The following RAP1GAP2 variants were observed in gnomAD, a reference collection of about 807,000 sequenced individuals.
The protein encoded by RAP1GAP2 is RAP1 GTPase activating protein 2, also known as rap1 GTPase-activating protein 2.
In RAP1GAP2, 27 loss-of-function variants were observed where a neutral mutation model predicts 95.0. That is an observed-to-expected ratio of 0.28 (90% confidence interval 0.21 to 0.39). The LOEUF is 0.39. Among genes scored for constraint, RAP1GAP2 ranks in the 10% least tolerant of loss-of-function variants. The pLI, the probability that RAP1GAP2 is intolerant of heterozygous loss-of-function variation, is 1.00. For synonymous variants in RAP1GAP2, 373 were observed against 380.9 expected (o/e 0.98, Z 0.24); for missense variants, 771 against 970.0 (o/e 0.79, Z 2.72).
At chr17:2,779,845 A>C (rs908656103) in intron 1 of RAP1GAP2, among the ~76,000 whole-genome samples, 1 of 151,980 alleles carries the variant, frequency 6.6e-6, no homozygotes, top group African/African-American at 2.4e-5. Context: ...GAAGGTGGCC[A>C]AGAAGCATGG....
At chr17:2,877,136 G>A (rs191167960) in intron 2 of RAP1GAP2, among the ~76,000 whole-genome samples, 36 of 152,092 alleles carry the variant, frequency 2.4e-4, no homozygotes, top group Admixed American at 1.2e-3. Flanking sequence ...TGATGCACCC[G>A]CCTCAGCCTC....
At chr17:2,912,508 G>A (rs1218358719) in intron 3 of RAP1GAP2, among the ~76,000 whole-genome samples, 1 of 152,098 alleles carries the variant, frequency 6.6e-6, no homozygotes, top group Admixed American at 6.6e-5. Context: ...GAGGGTTGAC[G>A]GGAGCCTTTC....
chr17:2,780,922 G>A (rs2068631007), intron 1 of RAP1GAP2, among the ~76,000 whole-genome samples: 1 of 152,194 alleles, frequency 6.6e-6, no homozygotes, highest in African/African-American at 2.4e-5. Context: ...ATCTCAGCCT[G>A]ACATGCTGTA....
chr17:2,913,242 C>T (rs751688413), intron 3 of RAP1GAP2, among the ~76,000 whole-genome samples: 7 of 151,620 alleles, frequency 4.6e-5, no homozygotes, highest in Non-Finnish European at 8.8e-5. Flanking sequence ...CATGCATTTC[C>T]CTCCTCACCT....
intron 2 of RAP1GAP2, among the ~76,000 whole-genome samples, chr17:2,862,933 G>T (rs541333793): frequency 1.3e-5 from 2 of 148,958 alleles, no homozygotes; most frequent in Admixed American, 1.4e-4. Context: ...GGAGGCAGAG[G>T]TTGCAGTGAG....
intron 8 of RAP1GAP2, among the ~76,000 whole-genome samples, chr17:2,970,379 C>T (rs189524457): frequency 6.6e-6 from 1 of 151,712 alleles, no homozygotes; most frequent in Admixed American, 6.6e-5. Context: ...CTTGTGCAGA[C>T]TCAGTTTTTA....
At chr17:2,769,145 T>C (rs1413828509) in intron 1 of RAP1GAP2, among the ~76,000 whole-genome samples, 1 of 148,726 alleles carries the variant, frequency 6.7e-6, no homozygotes, top group South Asian at 2.1e-4. Flanking sequence ...GGCGAGAGGA[T>C]TGCTTGAGTC....
rs754534598 is a variant in RAP1GAP2, at chr17:2,866,107, G to C, written c.81-39177G>C. ...AAGAAAGGGGGACCGCCCAAGGAAG[G>C]CTGCCTGGAGTTGGTGGCATTTGAA... On this transcript the variant is annotated intron_variant, in intron 2 of 24. Transcript: ENST00000254695. The surrounding 1 kb of genome is among the most constrained non-coding windows in gnomAD (Gnocchi z 4.0). 6.6e-6 allele frequency among the ~76,000 whole-genome samples: 1 copy of C among 152,252 alleles called. No homozygotes were observed. Among genetic ancestry groups the C allele is most frequent in the African/African-American group, 2.4e-5 (1 of 41,466 alleles).
chr17:2,988,709 G>A (rs2045640867), intron 11 of RAP1GAP2, among the ~76,000 whole-genome samples: 1 of 152,090 alleles, frequency 6.6e-6, no homozygotes, highest in Non-Finnish European at 1.5e-5. Context: ...TCATTTCTCT[G>A]GGATACATGC....
At position 3,029,903 on chromosome 17, in the gene RAP1GAP2, C is replaced by A. The variant is rs185452100; in HGVS notation, c.2108-1019C>A. Among the ~76,000 whole-genome samples the A allele has an allele frequency of 1.5e-3, 229 of 152,106 alleles. 2 individuals carry two copies. Among genetic ancestry groups the A allele is most frequent in the Admixed American group, 6.4e-3 (98 of 15,256 alleles). On this transcript the variant is annotated intron_variant, in intron 22 of 24. Coordinates refer to ENST00000254695, the MANE Select transcript of RAP1GAP2 (RefSeq NM_015085.5). The surrounding 1 kb of genome is among the most constrained non-coding windows in gnomAD (Gnocchi z 4.4). ...ATAAGTCCCATATGTCCAACTGATT[C>A]TCACAGAATGCTTTTAGTGGTGTTT...
At chr17:2,969,700 C>T (rs891537318) in intron 8 of RAP1GAP2, among the ~76,000 whole-genome samples, 4 of 151,644 alleles carry the variant, frequency 2.6e-5, no homozygotes, top group East Asian at 3.9e-4. Context: ...GATGGGGTTT[C>T]GCTGTGTTGG....
chr17:2,764,553 T>G (rs907042839), intron 1 of RAP1GAP2, among the ~76,000 whole-genome samples: 1 of 151,840 alleles, frequency 6.6e-6, no homozygotes, highest in African/African-American at 2.4e-5. Context: ...AAACCCCGTC[T>G]CTACTAAAAG....
chr17:2,939,846 A>C (rs2043426175), intron 3 of RAP1GAP2, among the ~76,000 whole-genome samples: 1 of 152,266 alleles, frequency 6.6e-6, no homozygotes, highest in East Asian at 1.9e-4. Context: ...GGTTCCCCAG[A>C]AAAACGCCCG....
chr17:2,771,499 G>GTT (rs397976670), intron 2 of RAP1GAP2, among the ~76,000 whole-genome samples: 2 of 124,770 alleles, frequency 1.6e-5, no homozygotes, highest in Non-Finnish European at 3.4e-5. Context: ...TTTTTTTTTT[G>GTT]TTTTTTTTTT....
Position 2,963,990 on chromosome 17 carries a change from C to A in RAP1GAP2, c.414C>A (p.Asn138Lys). 6.2e-7 allele frequency: 1 copy of A among 1,612,894 alleles called. No individual in the cohort carries two copies. The highest frequency in any genetic ancestry group is 1.1e-5 in the South Asian group (1 of 91,044). Residue 138 changes from asparagine (N) to lysine (K), a missense_variant, in exon 7 of 25, where the codon AAC becomes AAA. Transcript: ENST00000254695. The surrounding 1 kb of genome is among the most constrained non-coding windows in gnomAD (Gnocchi z 4.8). ...SSICEEEEEDNLSPNTFGYKL... is the reference protein window; with the variant it reads ...SSICEEEEEDKLSPNTFGYKL... ...TCTGTGAGGAGGAGGAAGAGGACAACCTCAGCCCCAACACATTTGGCTACA... is the reference window on the plus strand; with the variant it reads ...TCTGTGAGGAGGAGGAAGAGGACAAACTCAGCCCCAACACATTTGGCTACA...
intron 2 of RAP1GAP2, among the ~76,000 whole-genome samples, chr17:2,889,623 C>T (rs2073618612): frequency 6.6e-6 from 1 of 151,344 alleles, no homozygotes; most frequent in Non-Finnish European, 1.5e-5. Context: ...TTTCTAATGT[C>T]CCAGAGAAAG....
At chr17:2,939,556 A>G (rs1247636118) in intron 3 of RAP1GAP2, among the ~76,000 whole-genome samples, 1 of 152,194 alleles carries the variant, frequency 6.6e-6, no homozygotes, top group Non-Finnish European at 1.5e-5. Context: ...CACCAAGGGG[A>G]GCCTGCTGGA....
chr17:3,030,248 T>C (rs2047251001), intron 22 of RAP1GAP2, among the ~76,000 whole-genome samples: 1 of 151,694 alleles, frequency 6.6e-6, no homozygotes, highest in African/African-American at 2.4e-5. Context: ...AGAACTTCAT[T>C]CGTCAGTGAC....
At chr17:2,846,718 A>G (rs2071603796) in intron 2 of RAP1GAP2, among the ~76,000 whole-genome samples, 1 of 152,232 alleles carries the variant, frequency 6.6e-6, no homozygotes, top group Non-Finnish European at 1.5e-5. Context: ...ACACTGAGGC[A>G]CAGAGGGGGT....
Sources: gnomAD v4.1 joint callset for allele counts (sites outside exome capture counted in the v4.1 genomes callset) on GRCh38, gnomAD v4.1.1 for gene constraint, Gnocchi (gnomAD v3.1) non-coding constraint, MANE v1.5 for transcripts, NCBI Gene and HGNC (gene_info 2026-07-23, HGNC 2026-07-21) for gene names.